CLCN7: variants seen among roughly 807,000 people sequenced by gnomAD.
The protein encoded by CLCN7 is H(+)/Cl(-) exchange transporter 7.
Under a neutral mutation model 102.1 loss-of-function variants are expected in CLCN7, and 60 were observed. The ratio of observed to expected loss-of-function variants is 0.59; its 90% CI spans 0.48 to 0.73. The LOEUF (loss-of-function observed/expected upper bound fraction) is 0.73, where lower values mean the gene tolerates loss of function less well. Ranked by LOEUF, CLCN7 falls within the 30% of genes least tolerant of loss-of-function variation. CLCN7 has a pLI of 0.00. For missense variants in CLCN7, 962 were observed against 1,125.7 expected (o/e 0.85, Z 2.08); for synonymous variants, 560 against 490.5 (o/e 1.14, Z -1.87).
Position 1,465,458 on chromosome 16 carries a change from C to G in CLCN7, c.142-120G>C, listed in dbSNP as rs548566721. The G allele has an allele frequency of 1.0e-5, 9 of 894,542 alleles. No homozygotes were observed. The East Asian group carries it at 2.1e-4, about 21-fold the overall frequency. 55.4% of individuals were successfully genotyped at this position (894,542 alleles called of 1,614,324 possible). ...CCCTGCCCGGGAGCTCAGGAATGGGCTAGGCCAGGCCTGCCTGCTGGGTGG... is the reference window on the plus strand; with the variant it reads ...CCCTGCCCGGGAGCTCAGGAATGGGGTAGGCCAGGCCTGCCTGCTGGGTGG... On this transcript the variant is annotated intron_variant, in intron 1 of 24. Coordinates refer to ENST00000382745, the MANE Select transcript of CLCN7 (RefSeq NM_001287.6).
At chr16:1,460,708 G>C (rs2038921439) in intron 5 of CLCN7, 108 bp downstream of exon 5, 16 of 1,548,502 alleles carry the variant, frequency 1.0e-5, no homozygotes, top group African/African-American at 2.7e-5. Flanking sequence ...AGCCTGGCCG[G>C]GCCGCCTCCA....
In CLCN7 at chr16:1,465,342, A is replaced by G. The variant is rs2038990650; in HGVS notation, c.142-4T>C. 4 of 1,612,894 alleles carry G rather than the reference A, an allele frequency of 2.5e-6. No individual in the cohort carries two copies. The highest frequency in any genetic ancestry group is 3.4e-6 in the Non-Finnish European group (4 of 1,179,580). ...GGAAAAGCGCAGAACGTGGTGACTA[A>G]AAGCAGAAGAGAAATCATGAGGGCG... On this transcript the variant is annotated splice_polypyrimidine_tract_variant and splice_region_variant and intron_variant, in intron 1 of 24. Coordinates refer to ENST00000382745, the MANE Select transcript of CLCN7 (RefSeq NM_001287.6).
At chr16:1,472,229 G>A (rs751106479) in intron 1 of CLCN7, among the ~76,000 whole-genome samples, 1 of 152,236 alleles carries the variant, frequency 6.6e-6, no homozygotes, top group Non-Finnish European at 1.5e-5. Context: ...TGACTTTTAA[G>A]GGAATAGTTT....
At chr16:1,470,518 A>C (rs1301091406) in intron 1 of CLCN7, among the ~76,000 whole-genome samples, 2 of 152,230 alleles carry the variant, frequency 1.3e-5, no homozygotes, top group African/African-American at 4.8e-5. Flanking sequence ...CACAAAGGCC[A>C]CAGAGACCAA....
At chr16:1,462,428 T>C (rs1474898259) in intron 2 of CLCN7, among the ~76,000 whole-genome samples, 1 of 131,986 alleles carries the variant, frequency 7.6e-6, no homozygotes, top group Non-Finnish European at 1.5e-5. Context: ...CAGGCTAGAG[T>C]GCAGTGACGC....
At chr16:1,449,147 G>A (rs770675418) in intron 18 of CLCN7, 54 bp from the exon 19 acceptor site, 8 of 1,608,176 alleles carry the variant, frequency 5.0e-6, no homozygotes, top group South Asian at 1.1e-5. Context: ...TCAGGGTCAC[G>A]TGGCCACTGC....
chr16:1,454,374 C>G, intron 13 of CLCN7, 37 bp downstream of exon 13: 1 of 1,605,916 alleles, frequency 6.2e-7, no homozygotes, highest in South Asian at 1.1e-5. Context: ...GAGCCAGGCC[C>G]GCAGGCCGTC....
At chr16:1,461,026 G>C in intron 4 of CLCN7, 78 bp from the exon 5 acceptor site, 1 of 1,544,070 alleles carries the variant, frequency 6.5e-7, no homozygotes. Flanking sequence ...CGCCCAGACC[G>C]CCTGCAGGCC....
chr16:1,454,335 G>T, intron 13 of CLCN7, 76 bp downstream of exon 13: 1 of 1,484,846 alleles, frequency 6.7e-7, no homozygotes. Flanking sequence ...ACAGCCTCCA[G>T]TCCTCGTCTC....
Position 1,452,870 on chromosome 16 carries a change from T to A in CLCN7, c.1238A>T (p.Gln413Leu). The change falls in exon 15 of 25, where the codon CAG (glutamine) becomes CTG (leucine). Residue 413 changes from glutamine (Q) to leucine (L), a missense_variant. Transcript: ENST00000382745. ...RIRYIHRPCL[Q>L]VIEAVLVAAV... ...GGCCACCAGCACGGCCTCAATCACC[T>A]GCAGGCAGGGCCGGTGGATGTACCT... The A allele has an allele frequency of 6.3e-7, 1 of 1,575,654 alleles. No individual in the cohort carries two copies. The highest frequency in any genetic ancestry group is 8.6e-7 in the Non-Finnish European group (1 of 1,160,788).
intron 7 of CLCN7, among the ~76,000 whole-genome samples, chr16:1,458,165 G>A (rs1054113091): frequency 2.6e-5 from 4 of 152,218 alleles, no homozygotes; most frequent in Non-Finnish European, 4.4e-5. Flanking sequence ...GGTCACCTGC[G>A]GCTCCACGAT....
rs1448174757 is a variant in CLCN7, at chr16:1,457,471, G to A, written c.739-134C>T. ...CAGAAGGACCGATGCTCAGAGACAC[G>A]CGTGACGCGGCCCTTCCTGGAGACC... On this transcript the variant is annotated intron_variant, in intron 8 of 24. Coordinates refer to ENST00000382745, the MANE Select transcript of CLCN7 (RefSeq NM_001287.6). The surrounding 1 kb of genome is among the most constrained non-coding windows in gnomAD (Gnocchi z 5.4). 1.6e-5 allele frequency: 9 copies of A among 580,206 alleles called. No homozygotes were observed. Among genetic ancestry groups the A allele is most frequent in the South Asian group, 3.6e-5 (2 of 55,980 alleles). The allele number at this position is 580,206 out of a possible 1,614,324, so 35.9% of individuals were successfully genotyped here.
chr16:1,450,739 G>C lies in CLCN7; in HGVS notation c.1448-73C>G. 2.3e-6 allele frequency: 3 copies of C among 1,314,816 alleles called. 1 individual carries two copies. Among genetic ancestry groups the C allele is most frequent in the Non-Finnish European group, 3.1e-6 (3 of 965,306 alleles). 81.4% of individuals were successfully genotyped at this position (1,314,816 alleles called of 1,614,324 possible). ...CAGGACTGCCCTGCCCCGCTGCCCA[G>C]TCTCGGGCCTCACAGTCACCTTCCA... On this transcript the variant is annotated intron_variant, in intron 16 of 24. Transcript: ENST00000382745.
chr16:1,459,175 C>T lies in CLCN7; in HGVS notation c.607G>A (p.Gly203Ser). 2 of 1,613,188 alleles carry T rather than the reference C, an allele frequency of 1.2e-6. No individual in the cohort carries two copies. Among genetic ancestry groups the T allele is most frequent in the East Asian group, 4.5e-5 (2 of 44,882 alleles). ...CACTTGATCTGGGGGATTCCGCTGC[C>T]AGCAGCCACCGGCTGAAAGAGGGGA... ...IVAFIEPVAAGSGIPQIKCFL... is the reference protein window; with the variant it reads ...IVAFIEPVAASSGIPQIKCFL... The change falls in exon 7 of 25, where the codon GGC becomes AGC. Residue 203 changes from glycine (G) to serine (S), a missense_variant. Physicochemically the swap from Gly to Ser is moderately conservative, Grantham distance 56. This residue lies in a region of CLCN7 where 799 missense variants were observed against 988.0 expected (regional missense o/e 0.81). Transcript: ENST00000382745.
chr16:1,463,020 A>G (rs2038960438), intron 2 of CLCN7, among the ~76,000 whole-genome samples: 1 of 152,086 alleles, frequency 6.6e-6, no homozygotes, highest in South Asian at 2.1e-4. Context: ...GAGTATGGTG[A>G]CATGCGCCTG....
chr16:1,447,699 C>G lies in CLCN7; in HGVS notation c.2029G>C (p.Gly677Arg). 1 of 1,555,298 alleles carries G rather than the reference C, an allele frequency of 6.4e-7. No homozygotes were observed. Among genetic ancestry groups the G allele is most frequent in the Non-Finnish European group, 8.7e-7 (1 of 1,149,952 alleles). The change falls in exon 22 of 25, where the codon GGC becomes CGC. Residue 677 changes from glycine to arginine, a missense_variant. Physicochemically the swap from Gly to Arg is moderately radical, Grantham distance 125 (BLOSUM62 -2). This residue lies in a region of CLCN7 where 799 missense variants were observed against 988.0 expected (regional missense o/e 0.81). Transcript: ENST00000382745. ...ATGAGCTGGGAGCGCAGGATCAGGC[C>G]CTGGAGCCGGGCAGGCTGCAAGACA... ...ADDTQPARLQ[G>R]LILRSQLIVL...
intron 6 of CLCN7, among the ~76,000 whole-genome samples, chr16:1,459,648 C>T (rs1297412068): frequency 7.6e-5 from 3 of 39,622 alleles, no homozygotes; most frequent in African/African-American, 4.2e-4. Flanking sequence ...CACTTCGGGG[C>T]CCCAGGGAAG....
At chr16:1,462,434 G>C (rs1415548925) in intron 2 of CLCN7, among the ~76,000 whole-genome samples, 1 of 132,082 alleles carries the variant, frequency 7.6e-6, no homozygotes, top group Non-Finnish European at 1.5e-5. Context: ...AGAGTGCAGT[G>C]ACGCGATCTC....
Position 1,455,809 on chromosome 16 carries a change from GGCCGGCTCGGGT to G in CLCN7, c.917-26_917-15del. 1 of 1,612,530 alleles carries G rather than the reference GGCCGGCTCGGGT, an allele frequency of 6.2e-7. No individual in the cohort carries two copies. The highest frequency in any genetic ancestry group is 2.2e-5 in the East Asian group (1 of 44,880). ...ACAGGACCCCACCTGGAAGGCAGGC[GGCCGGCTCGGGT>G]GCCAGCTGGACACAGGGCACCATGC... On this transcript the variant is annotated splice_polypyrimidine_tract_variant and intron_variant, in intron 10 of 24. Coordinates refer to ENST00000382745, the MANE Select transcript of CLCN7 (RefSeq NM_001287.6).
Sources: gnomAD v4.1 joint callset for allele counts (sites outside exome capture counted in the v4.1 genomes callset) on GRCh38, gnomAD v4.1.1 for gene constraint, gnomAD v4.1.1 regional missense constraint, Gnocchi (gnomAD v3.1) non-coding constraint, MANE v1.5 for transcripts, NCBI Gene and HGNC (gene_info 2026-07-23, HGNC 2026-07-21) for gene names.